Variants in TEX48 observed in about 807,000 individuals in gnomAD.
TEX48 encodes testis-expressed protein 48.
Under a neutral mutation model 13.2 loss-of-function variants are expected in TEX48, and 10 were observed. The ratio of observed to expected loss-of-function variants is 0.75; its 90% CI spans 0.47 to 1.28. The LOEUF (loss-of-function observed/expected upper bound fraction) is 1.28. TEX48 is among the 50% of genes most tolerant of loss of function. The probability of loss-of-function intolerance (pLI) is 0.00; values close to 1 mark genes in which losing one functional copy is unlikely to be tolerated. For missense variants in TEX48, 116 were observed against 139.4 expected (o/e 0.83, Z 0.84); for synonymous variants, 45 against 52.3 (o/e 0.86, Z 0.60).
At chr9:114,677,448 C>T (rs1441763710) in intron 1 of TEX48, among the ~76,000 whole-genome samples, 3 of 152,108 alleles carry the variant, frequency 2.0e-5, no homozygotes, top group East Asian at 1.9e-4. Context: ...AATATCCTTG[C>T]CATTAATCTG....
In TEX48 at chr9:114,673,436, A is replaced by C. The variant is rs574214227; in HGVS notation, c.-104-1609T>G. Among the ~76,000 whole-genome samples, 12 of 141,212 alleles carry C rather than the reference A, an allele frequency of 8.5e-5. No homozygotes were observed. The Admixed American group carries it at 9.7e-4, about 11-fold the overall frequency. The allele number at this position is 141,212 out of a possible 152,430, so 92.6% of individuals were successfully genotyped here. A position where few individuals can be genotyped will look rare whatever the true frequency, so the allele number is the denominator to read the frequency against. ...TGGTGAGCCGAGATCACGCCATTGC[A>C]CTCCAGCCTGGGCAAGAAGAATAAA... is the stretch of plus-strand genomic sequence containing the variant. On this transcript the variant is annotated intron_variant, in intron 1 of 4. Coordinates refer to ENST00000436752, the MANE Select transcript of TEX48 (RefSeq NM_001199233.2).
intron 2 of TEX48, 32 bp from the exon 3 acceptor site, chr9:114,671,537 T>C (rs1457575747): frequency 6.5e-7 from 1 of 1,534,318 alleles, no homozygotes; most frequent in African/African-American, 1.4e-5. Context: ...GGGGCATGGG[T>C]TCCGGAATCT....
At chr9:114,670,283 G>C (rs1389982234) in intron 3 of TEX48, among the ~76,000 whole-genome samples, 1 of 152,110 alleles carries the variant, frequency 6.6e-6, no homozygotes, top group East Asian at 1.9e-4. Flanking sequence ...CTTGGGAAAA[G>C]GCATTGATAT....
intron 1 of TEX48, among the ~76,000 whole-genome samples, chr9:114,673,995 G>A (rs902960992): frequency 2.0e-5 from 3 of 151,692 alleles, no homozygotes; most frequent in South Asian, 2.1e-4. Flanking sequence ...TTGTAGAGAC[G>A]TGGTCTCCCT....
At chr9:114,671,904 A>G (rs1827956624) in intron 1 of TEX48, 77 bp from the exon 2 acceptor site, 13 of 653,518 alleles carry the variant, frequency 2.0e-5, no homozygotes, top group Non-Finnish European at 3.5e-5. Flanking sequence ...ATCTAATGAC[A>G]GCAAAATCCC....
intron 1 of TEX48, among the ~76,000 whole-genome samples, chr9:114,676,782 A>T (rs892130321): frequency 6.6e-6 from 1 of 151,750 alleles, no homozygotes; most frequent in Non-Finnish European, 1.5e-5. Flanking sequence ...ACGCCTGGCT[A>T]ATTTTTTGTA....
In TEX48 at chr9:114,666,586, A is replaced by G; in HGVS notation, c.*57T>C. ...GAATTAGTCTTCATGACTCCTGTCC[A>G]CCGCCCTCTTCCTCATGGAGATGCC... On this transcript the variant is annotated 3_prime_UTR_variant, in exon 5 of 5. Coordinates refer to ENST00000436752, the MANE Select transcript of TEX48 (RefSeq NM_001199233.2). 1.0e-6 allele frequency: 1 copy of G among 996,914 alleles called. No homozygotes were observed. Among genetic ancestry groups the G allele is most frequent in the Non-Finnish European group, 1.5e-6 (1 of 684,214 alleles). 61.8% of individuals were successfully genotyped at this position (996,914 alleles called of 1,614,324 possible). A position where few individuals can be genotyped will look rare whatever the true frequency, so the allele number is the denominator to read the frequency against.
At chr9:114,666,823 T>C in intron 4 of TEX48, 77 bp from the exon 5 acceptor site, 1 of 736,048 alleles carries the variant, frequency 1.4e-6, no homozygotes, top group Non-Finnish European at 2.3e-6. Flanking sequence ...TGGTTGTTTG[T>C]ATCCATTGCT....
intron 1 of TEX48, among the ~76,000 whole-genome samples, chr9:114,680,121 C>CTTT (rs1222465975): frequency 3.8e-4 from 17 of 44,582 alleles, no homozygotes; most frequent in African/African-American, 1.3e-3. Flanking sequence ...GTCATTGTCC[C>CTTT]TTTTTTTTTT....
In TEX48 at chr9:114,681,696, G is replaced by A. The variant is rs570584302; in HGVS notation, c.-105+339C>T. Among the ~76,000 whole-genome samples the A allele has an allele frequency of 4.6e-5, 7 of 152,228 alleles. No homozygotes were observed. The South Asian group carries it at 1.2e-3, about 27-fold the overall frequency. ...GCACTACCAGTGACCCCCTCTAGAG[G>A]GAAGCAGAAACCAAAGAAGAGGGCC... On this transcript the variant is annotated intron_variant, in intron 1 of 4. Transcript: ENST00000436752.
chr9:114,680,963 T>C (rs1828187748), intron 1 of TEX48, among the ~76,000 whole-genome samples: 1 of 152,234 alleles, frequency 6.6e-6, no homozygotes, highest in African/African-American at 2.4e-5. Context: ...CCATGAGCTT[T>C]GTTCAGAGAC....
intron 3 of TEX48, among the ~76,000 whole-genome samples, chr9:114,670,664 T>C (rs7846979): frequency 0.59 from 90,061 of 151,924 alleles, 26,837 homozygotes; most frequent in Admixed American, 0.68. Flanking sequence ...TTCCAGAGGC[T>C]CTGGCTAAAG....
chr9:114,670,442 C>A (rs1407728796), intron 3 of TEX48, among the ~76,000 whole-genome samples: 1 of 152,002 alleles, frequency 6.6e-6, no homozygotes, highest in African/African-American at 2.4e-5. Context: ...GTGCTCACCC[C>A]CTCCCACCTG....
At chr9:114,672,169 A>C (rs949170469) in intron 1 of TEX48, among the ~76,000 whole-genome samples, 7 of 152,186 alleles carry the variant, frequency 4.6e-5, no homozygotes, top group Admixed American at 6.5e-5. Flanking sequence ...CTCTTTATGT[A>C]GCTCACTGGC....
At chr9:114,670,048 A>C (rs990748735) in intron 3 of TEX48, among the ~76,000 whole-genome samples, 1 of 151,850 alleles carries the variant, frequency 6.6e-6, no homozygotes, top group African/African-American at 2.4e-5. Flanking sequence ...TAATTGCTTA[A>C]CCCCCACCTG....
chr9:114,675,200 A>G (rs1828039711), intron 1 of TEX48, among the ~76,000 whole-genome samples: 1 of 152,162 alleles, frequency 6.6e-6, no homozygotes, highest in Non-Finnish European at 1.5e-5. Context: ...TCTTGAGTAA[A>G]AGCACTTGCA....
chr9:114,673,038 A>T (rs1045772316), intron 1 of TEX48, among the ~76,000 whole-genome samples: 2 of 152,194 alleles, frequency 1.3e-5, no homozygotes, highest in African/African-American at 2.4e-5. Flanking sequence ...GATGCTACCA[A>T]GCTGTATAAC....
At position 114,668,384 on chromosome 9, in the gene TEX48, G is replaced by C. The variant is rs1044508664; in HGVS notation, c.128-47C>G. 7 of 1,506,968 alleles carry C rather than the reference G, an allele frequency of 4.6e-6. No homozygotes were observed. The South Asian group carries it at 8.4e-5, about 18-fold the overall frequency. 93.3% of individuals were successfully genotyped at this position (1,506,968 alleles called of 1,614,324 possible). On this transcript the variant is annotated intron_variant, in intron 3 of 4. Coordinates refer to ENST00000436752, the MANE Select transcript of TEX48 (RefSeq NM_001199233.2). ...GGTCACGTGGGGGAGGCTTAGGTGA[G>C]ATCACGGAAGTGAAGATGTTTTGCA...
chr9:114,672,271 G>A (rs1037601433), intron 1 of TEX48, among the ~76,000 whole-genome samples: 1 of 152,158 alleles, frequency 6.6e-6, no homozygotes, highest in Admixed American at 6.5e-5. Flanking sequence ...TTTGCTGGAG[G>A]GCTTTGGGTA....
Sources: gnomAD v4.1 joint callset for allele counts (sites outside exome capture counted in the v4.1 genomes callset) on GRCh38, gnomAD v4.1.1 for gene constraint, MANE v1.5 for transcripts, NCBI Gene and HGNC (gene_info 2026-07-23, HGNC 2026-07-21) for gene names.